Variants in DYNC1H1 observed in about 807,000 individuals in gnomAD.
DYNC1H1 encodes dynein cytoplasmic 1 heavy chain 1.
A neutral mutation model predicts 527.1 loss-of-function variants in DYNC1H1; 51 were observed. The ratio of observed to expected loss-of-function variants is 0.10; its 90% CI spans 0.08 to 0.12. DYNC1H1 has a LOEUF of 0.12. DYNC1H1 is among the 10% of genes least tolerant of loss of function. The pLI is 1.00. For missense variants in DYNC1H1, 2,771 were observed against 5,971.8 expected (o/e 0.46, Z 17.66); for synonymous variants, 2,189 against 2,278.8 (o/e 0.96, Z 1.12).
rs1405492583 is a variant in DYNC1H1, at chr14:102,042,235, A to G, written c.12222A>G (p.Ala4074=). 3.1e-6 allele frequency: 5 copies of G among 1,613,964 alleles called. No homozygotes were observed. The Admixed American group carries it at 8.3e-5, about 27-fold the overall frequency. ...TQITSIAIGS[A]EGFNQADKAI... Reference sequence around the variant, plus strand: ...TAAGTTTCCCTGCACCAGGCTCTGCAGAAGGCTTTAACCAAGCAGATAAGG... The same window carrying G: ...TAAGTTTCCCTGCACCAGGCTCTGCGGAAGGCTTTAACCAAGCAGATAAGG... Residue 4074 remains alanine, a synonymous_variant, in exon 67 of 78, where the codon GCA becomes GCG. Transcript: ENST00000360184. This position sits in a 1 kb window ranked among gnomAD's most constrained non-coding sequence, Gnocchi z 5.7.
At chr14:102,040,440 G>A in intron 63 of DYNC1H1, 30 bp downstream of exon 63, 2 of 1,614,020 alleles carry the variant, frequency 1.2e-6, no homozygotes, top group South Asian at 1.1e-5. Flanking sequence ...TTCCCAGTAG[G>A]TAAATGTTGG....
In DYNC1H1 at chr14:102,017,351, G is replaced by C. The variant is rs1771236103; in HGVS notation, c.8056-32G>C. On this transcript the variant is annotated intron_variant, in intron 39 of 77. Coordinates refer to ENST00000360184, the MANE Select transcript of DYNC1H1 (RefSeq NM_001376.5). This position sits in a 1 kb window ranked among gnomAD's most constrained non-coding sequence, Gnocchi z 4.6. ...CCACAATGTTTCTTGTTCAAGTTTT[G>C]CTCTTAATGTGGTACCTGTCCCTTC... is the stretch of plus-strand genomic sequence containing the variant. 6.2e-7 allele frequency: 1 copy of C among 1,614,062 alleles called. No homozygotes were observed. Among genetic ancestry groups the C allele is most frequent in the African/African-American group, 1.3e-5 (1 of 74,910 alleles).
Position 101,964,774 on chromosome 14 carries a change from C to T in DYNC1H1, c.83C>T (p.Ser28Leu), listed in dbSNP as rs765882472. 1.7e-5 allele frequency: 28 copies of T among 1,600,252 alleles called. No homozygotes were observed. The East Asian group carries it at 4.3e-4, about 24-fold the overall frequency. Residue 28 changes from serine (S) to leucine (L), a missense_variant, in exon 1 of 78, where the codon TCG becomes TTG. Physicochemically the swap from Ser to Leu is moderately radical, Grantham distance 145. Transcript: ENST00000360184. The surrounding 1 kb of genome is among the most constrained non-coding windows in gnomAD (Gnocchi z 5.5). ...GCCGTGCAGAATGTGGCGGACGTGTCGGTGCTGCAGAAGCACCTGCGCAAG... is the reference window on the plus strand; with the variant it reads ...GCCGTGCAGAATGTGGCGGACGTGTTGGTGCTGCAGAAGCACCTGCGCAAG... ...VSAVQNVADV[S>L]VLQKHLRKLV...
rs765119412 is a variant in DYNC1H1 at position 102,001,107 on chromosome 14, C to T, written c.4186-38C>T. On this transcript the variant is annotated intron_variant, in intron 19 of 77. Transcript: ENST00000360184. This position sits in a 1 kb window ranked among gnomAD's most constrained non-coding sequence, Gnocchi z 5.0. Reference sequence around the variant, plus strand: ...CACGGTGATGAGTGTCCATTAGAAACGCACCTGCACAGATCACTTTGTTTA... The same window carrying T: ...CACGGTGATGAGTGTCCATTAGAAATGCACCTGCACAGATCACTTTGTTTA... The T allele has an allele frequency of 2.1e-5, 34 of 1,613,862 alleles. No individual in the cohort carries two copies. Among genetic ancestry groups the T allele is most frequent in the East Asian group, 4.5e-5 (2 of 44,892 alleles).
At chr14:101,967,605 C>T (rs1012916610) in intron 1 of DYNC1H1, among the ~76,000 whole-genome samples, 1 of 152,086 alleles carries the variant, frequency 6.6e-6, no homozygotes, top group African/African-American at 2.4e-5. Context: ...TTTGGGAGAC[C>T]AAGGCAGGAG....
rs772731931 is a variant in DYNC1H1 at position 102,038,853 on chromosome 14, G to C, written c.11206+5G>C. 6.2e-7 allele frequency: 1 copy of C among 1,614,184 alleles called. No homozygotes were observed. Among genetic ancestry groups the C allele is most frequent in the Non-Finnish European group, 8.5e-7 (1 of 1,180,038 alleles). On this transcript the variant is annotated splice_donor_5th_base_variant and intron_variant, in intron 59 of 77. Transcript: ENST00000360184. This position sits in a 1 kb window ranked among gnomAD's most constrained non-coding sequence, Gnocchi z 7.2. ...CTGATCTTCTTAAACTTCAAGGTAGGATCTGGACCTGTGGCTTTTAGATGG... is the reference window on the plus strand; with the variant it reads ...CTGATCTTCTTAAACTTCAAGGTAGCATCTGGACCTGTGGCTTTTAGATGG...
At chr14:102,025,785 AACC>A (rs374075480) in intron 43 of DYNC1H1, among the ~76,000 whole-genome samples, 3 of 152,060 alleles carry the variant, frequency 2.0e-5, no homozygotes, top group African/African-American at 7.2e-5. Flanking sequence ...TCTGTGCTAA[AACC>A]ACATGGTCCT....
chr14:101,995,142 C>G, intron 14 of DYNC1H1, 39 bp from the exon 15 acceptor site: 1 of 1,614,178 alleles, frequency 6.2e-7, no homozygotes, highest in Non-Finnish European at 8.5e-7. Flanking sequence ...ACTGGTGAAC[C>G]CCAGCTCTGT....
At position 102,015,203 on chromosome 14, in the gene DYNC1H1, C is replaced by G. The variant is rs745348478; in HGVS notation, c.7113C>G (p.Thr2371=). 2 of 1,614,174 alleles carry G rather than the reference C, an allele frequency of 1.2e-6. No individual in the cohort carries two copies. The highest frequency in any genetic ancestry group is 2.2e-5 in the South Asian group (2 of 91,078). The change falls in exon 35 of 78, where the codon ACC becomes ACG. Residue 2371 remains threonine (T), a synonymous_variant. Transcript: ENST00000360184. This position sits in a 1 kb window ranked among gnomAD's most constrained non-coding sequence, Gnocchi z 6.9. ...GGTTCAGTGAGGATGTGCTGAGCAC[C>G]GACATGATCTTCAACAACTTCCTGG... is the stretch of plus-strand genomic sequence containing the variant. ...MVWFSEDVLS[T]DMIFNNFLAR...
rs2048795231 is a variant in DYNC1H1 at position 102,050,521 on chromosome 14, C to T, written c.13899C>T (p.Arg4633=). The T allele has an allele frequency of 6.8e-6, 11 of 1,614,258 alleles. No homozygotes were observed. The highest frequency in any genetic ancestry group is 9.3e-6 in the Non-Finnish European group (11 of 1,180,048). ...DFEIATKEDP[R]SFYERGVAVL... is the part of the protein sequence containing the mutation. The stretch of plus-strand genomic sequence containing the variant: ...AAATTGCTACAAAGGAGGATCCTCG[C>T]AGCTTCTACGAGCGGGGTGTCGCAG... The change falls in exon 78 of 78, where the codon CGC becomes CGT. Residue 4633 remains arginine (R), a synonymous_variant. Coordinates refer to ENST00000360184, the MANE Select transcript of DYNC1H1 (RefSeq NM_001376.5).
intron 29 of DYNC1H1, 95 bp from the exon 30 acceptor site, chr14:102,009,748 C>T (rs977381451): frequency 4.8e-5 from 76 of 1,592,168 alleles, no homozygotes; most frequent in Middle Eastern, 2.0e-4. Flanking sequence ...CCTGGGAGAA[C>T]GAGAGCTTTG....
chr14:102,034,551 A>G, intron 56 of DYNC1H1, 99 bp downstream of exon 56: 1 of 1,593,744 alleles, frequency 6.3e-7, no homozygotes, highest in Non-Finnish European at 8.5e-7. Context: ...GGAATAGAAA[A>G]TGGGGCGTGG....
rs148300268 is a variant in DYNC1H1 at position 102,031,989 on chromosome 14, G to T, written c.9884-283G>T. Among the ~76,000 whole-genome samples the T allele has an allele frequency of 6.9e-3, 1,051 of 152,270 alleles. 6 individuals carry two copies. The highest frequency in any genetic ancestry group is 0.01 in the South Asian group (49 of 4,822). ...TAAATATATTCTTAATCTTTATGGG[G>T]ATAAAGAAATTAGGACTTGTGAGAC... On this transcript the variant is annotated intron_variant, in intron 51 of 77. Coordinates refer to ENST00000360184, the MANE Select transcript of DYNC1H1 (RefSeq NM_001376.5).
chr14:101,988,237 C>T (rs2034289343), intron 9 of DYNC1H1, among the ~76,000 whole-genome samples: 1 of 152,116 alleles, frequency 6.6e-6, no homozygotes, highest in African/African-American at 2.4e-5. Flanking sequence ...TTCGTGTTAC[C>T]TTTTCTAGCC....
intron 11 of DYNC1H1, among the ~76,000 whole-genome samples, chr14:101,992,581 G>A (rs149906795): frequency 2.0e-5 from 3 of 152,236 alleles, no homozygotes; most frequent in African/African-American, 7.2e-5. Context: ...TCGTTTAGCT[G>A]TTCTGCCCTC....
Position 102,033,405 on chromosome 14 carries a change from C to G in DYNC1H1, c.10334C>G (p.Ala3445Gly). ...ATCCGAGACCTGGAAGCCAGCATCG[C>G]CCGCTACAAGGAGGAATACGCCGTC... ...QMIRDLEASI[A>G]RYKEEYAVLI... The change falls in exon 54 of 78, where the codon GCC (alanine) becomes GGC (glycine). Residue 3445 changes from alanine (A) to glycine (G), a missense_variant. Transcript: ENST00000360184. The surrounding 1 kb of genome is among the most constrained non-coding windows in gnomAD (Gnocchi z 5.6). The G allele has an allele frequency of 6.2e-7, 1 of 1,614,220 alleles. No individual in the cohort carries two copies. The highest frequency in any genetic ancestry group is 8.5e-7 in the Non-Finnish European group (1 of 1,180,046).
intron 11 of DYNC1H1, among the ~76,000 whole-genome samples, chr14:101,992,652 G>T (rs1022598575): frequency 6.6e-6 from 1 of 152,142 alleles, no homozygotes; most frequent in East Asian, 1.9e-4. Flanking sequence ...TCTTCATAAG[G>T]AAGCTCCCTT....
At chr14:102,009,634 C>T in intron 29 of DYNC1H1, 1 of 659,708 alleles carries the variant, frequency 1.5e-6, no homozygotes, top group South Asian at 1.9e-5. Flanking sequence ...GACACGTGCA[C>T]ATGAGGTACA....
At position 102,010,541 on chromosome 14, in the gene DYNC1H1, GTTC is replaced by G. The variant is rs751304483; in HGVS notation, c.6405+88_6405+90del. The G allele has an allele frequency of 6.5e-5, 102 of 1,563,348 alleles. No individual in the cohort carries two copies. The highest frequency in any genetic ancestry group is 8.5e-5 in the Non-Finnish European group (98 of 1,151,606). On this transcript the variant is annotated intron_variant, in intron 31 of 77. Transcript: ENST00000360184. The surrounding 1 kb of genome is among the most constrained non-coding windows in gnomAD (Gnocchi z 6.0). Reference sequence around the variant, plus strand: ...TTAACATTTAAGCCATGACTTGTGAGTTCTTCTTGCAGTTCACATGTCTTGGGA... The same window carrying G: ...TTAACATTTAAGCCATGACTTGTGAGTTCTTGCAGTTCACATGTCTTGGGA...
Sources: gnomAD v4.1 joint callset for allele counts (sites outside exome capture counted in the v4.1 genomes callset) on GRCh38, gnomAD v4.1.1 for gene constraint, Gnocchi (gnomAD v3.1) non-coding constraint, MANE v1.5 for transcripts, NCBI Gene and HGNC (gene_info 2026-07-23, HGNC 2026-07-21) for gene names.